PIK3R4: variants seen among roughly 807,000 people sequenced by gnomAD.
PIK3R4 encodes phosphoinositide 3-kinase regulatory subunit 4.
Under a neutral mutation model 136.5 loss-of-function variants are expected in PIK3R4, and 46 were observed. That is an observed-to-expected ratio of 0.34 (90% CI 0.27 to 0.43). PIK3R4 has a LOEUF of 0.43. Among genes scored for constraint, PIK3R4 ranks in the 20% least tolerant of loss-of-function variants. The pLI is 1.00. For missense variants in PIK3R4, 1,331 were observed against 1,649.5 expected, an observed-to-expected ratio of 0.81 and a Z score of 3.35; for synonymous variants, 557 against 566.7, an observed-to-expected ratio of 0.98 and a Z score of 0.24.
chr3:130,725,614 C>A (rs1021221100), intron 6 of PIK3R4, among the ~76,000 whole-genome samples: 1 of 150,674 alleles, frequency 6.6e-6, no homozygotes, highest in African/African-American at 2.4e-5. Context: ...GCAAAAAGAT[C>A]GAGTAAACTG....
chr3:130,690,894 C>CTTTTTTT (rs1247659280), intron 13 of PIK3R4, among the ~76,000 whole-genome samples: 1 of 131,884 alleles, frequency 7.6e-6, no homozygotes, highest in Non-Finnish European at 1.6e-5. Flanking sequence ...TCCTTCTCCT[C>CTTTTTTT]TTTTTTTTTT....
At chr3:130,707,906 C>T (rs1303712342) in intron 10 of PIK3R4, among the ~76,000 whole-genome samples, 1 of 152,164 alleles carries the variant, frequency 6.6e-6, no homozygotes, top group East Asian at 1.9e-4. Flanking sequence ...GCATTACCTA[C>T]TACTAATGAA....
At chr3:130,686,670 T>C (rs1322729700) in intron 14 of PIK3R4, among the ~76,000 whole-genome samples, 1 of 152,178 alleles carries the variant, frequency 6.6e-6, no homozygotes, top group Admixed American at 6.5e-5. Flanking sequence ...ATAGAACATT[T>C]ATCAAAACTA....
chr3:130,716,395 C>G lies in PIK3R4; in HGVS notation c.2331+1G>C. 1 of 1,612,812 alleles carries G rather than the reference C, an allele frequency of 6.2e-7. No homozygotes were observed. ...GTAAGACTTTGGAAGGGTGATACAA[C>G]CTGTGAGAGCAACTTCTTCAGAAGC... On this transcript the variant is annotated splice_donor_variant, in intron 9 of 19. Coordinates refer to ENST00000356763, the MANE Select transcript of PIK3R4 (RefSeq NM_014602.3). LOFTEE classifies it high-confidence loss of function.
chr3:130,744,371 G>C, intron 2 of PIK3R4, 115 bp downstream of exon 2: 1 of 1,178,564 alleles, frequency 8.5e-7, no homozygotes, highest in Non-Finnish European at 1.2e-6. Flanking sequence ...TAGCGTCTGA[G>C]GACAAACCAA....
Position 130,728,492 on chromosome 3 carries a change from A to T in PIK3R4, c.1778T>A (p.Leu593Gln), listed in dbSNP as rs1234240963. 3.7e-6 allele frequency: 6 copies of T among 1,612,382 alleles called. No homozygotes were observed. The highest frequency in any genetic ancestry group is 5.1e-6 in the Non-Finnish European group (6 of 1,179,230). Residue 593 changes from leucine (L) to glutamine (Q), a missense_variant, in exon 6 of 20, where the codon CTA (leucine) becomes CAA (glutamine). Leu to Gln is a moderately radical substitution (Grantham distance 113, BLOSUM62 -2). Around this residue, in one of 2 missense-constraint regions of PIK3R4, gnomAD observed 1,180 missense variants for 1,407.0 expected, o/e 0.84. Transcript: ENST00000356763. ...TFLNDKNDWH[L>Q]RGAFFDSIVG... ...TATACTATCAAAAAATGCTCCACGT[A>T]GATGCCAATCATTCTTATCATTTAG...
At chr3:130,727,756 AGTT>A (rs1397072724) in intron 6 of PIK3R4, among the ~76,000 whole-genome samples, 13 of 152,230 alleles carry the variant, frequency 8.5e-5, no homozygotes, top group African/African-American at 2.7e-4. Context: ...AAAGGGGATC[AGTT>A]ATTATTCAAA....
intron 13 of PIK3R4, among the ~76,000 whole-genome samples, chr3:130,703,132 A>T (rs2066588011): frequency 6.6e-6 from 1 of 151,972 alleles, no homozygotes; most frequent in Non-Finnish European, 1.5e-5. Context: ...TCTCTCCTCT[A>T]CTCGGAACTC....
chr3:130,683,006 G>GA (rs1328217864), intron 16 of PIK3R4, among the ~76,000 whole-genome samples: 40 of 152,284 alleles, frequency 2.6e-4, no homozygotes, highest in African/African-American at 9.1e-4. Context: ...GGACTAGGGA[G>GA]ATAGTGATGG....
intron 1 of PIK3R4, among the ~76,000 whole-genome samples, chr3:130,745,933 T>C (rs1370979605): frequency 6.6e-6 from 1 of 151,820 alleles, no homozygotes; most frequent in African/African-American, 2.4e-5. Context: ...TGACGCAGAA[T>C]TGCTTGAACC....
chr3:130,721,179 C>CAA (rs530043872), intron 7 of PIK3R4, among the ~76,000 whole-genome samples: 2 of 150,776 alleles, frequency 1.3e-5, no homozygotes, highest in Non-Finnish European at 3.0e-5. Context: ...ACTAAAAATA[C>CAA]AAAAAAAATT....
rs2066713941 is a variant in PIK3R4 at position 130,723,413 on chromosome 3, C to T, written c.1981+1G>A. 6.3e-7 allele frequency: 1 copy of T among 1,598,722 alleles called. No individual in the cohort carries two copies. Among genetic ancestry groups the T allele is most frequent in the Non-Finnish European group, 8.5e-7 (1 of 1,174,740 alleles). Reference sequence around the variant, plus strand: ...TCTAATTTTGAGAAACAGAAACTTACCAATATCACTGGCAAATTCGTAAAC... The same window carrying T: ...TCTAATTTTGAGAAACAGAAACTTATCAATATCACTGGCAAATTCGTAAAC... On this transcript the variant is annotated splice_donor_variant, in intron 7 of 19. Transcript: ENST00000356763. LOFTEE classifies it high-confidence loss of function.
intron 8 of PIK3R4, among the ~76,000 whole-genome samples, chr3:130,718,038 G>A (rs1422990752): frequency 6.6e-6 from 1 of 152,146 alleles, no homozygotes; most frequent in Admixed American, 6.5e-5. Context: ...ATAACTGGAT[G>A]CAATCAGTTA....
chr3:130,679,221 A>AAATT lies in PIK3R4; in HGVS notation c.*90_*93dup, dbSNP rs1183816404. On this transcript the variant is annotated 3_prime_UTR_variant, in exon 20 of 20. Transcript: ENST00000356763. The stretch of plus-strand genomic sequence containing the variant: ...CAGTAATATGGAGACATAATTTTGA[A>AAATT]AATTAAGCAAATGAATCTGTTCTCT... The AAATT allele has an allele frequency of 1.3e-6, 1 of 754,600 alleles. No individual in the cohort carries two copies. Among genetic ancestry groups the AAATT allele is most frequent in the Admixed American group, 3.6e-5 (1 of 27,538 alleles). The allele number at this position is 754,600 out of a possible 1,614,324, so 46.7% of individuals were successfully genotyped here.
chr3:130,724,116 T>C (rs571032110), intron 6 of PIK3R4, among the ~76,000 whole-genome samples: 313 of 152,268 alleles, frequency 2.1e-3, no homozygotes, highest in Non-Finnish European at 3.9e-3. Flanking sequence ...AATTAAAAGC[T>C]AATAAATTTC....
intron 5 of PIK3R4, among the ~76,000 whole-genome samples, chr3:130,729,355 T>C (rs537354346): frequency 6.6e-6 from 1 of 152,316 alleles, no homozygotes; most frequent in South Asian, 2.1e-4. Flanking sequence ...AGCTAATCTT[T>C]AACAATTATC....
chr3:130,689,114 A>C (rs1216095636), intron 14 of PIK3R4, among the ~76,000 whole-genome samples: 4 of 152,222 alleles, frequency 2.6e-5, no homozygotes, highest in Non-Finnish European at 5.9e-5. Context: ...ACAATCAAAA[A>C]CTTATGACCT....
chr3:130,730,172 C>T (rs1443669261), intron 5 of PIK3R4, 136 bp downstream of exon 5: 7 of 641,776 alleles, frequency 1.1e-5, no homozygotes, highest in Non-Finnish European at 1.8e-5. Flanking sequence ...TAATTAGACA[C>T]CAGGGACTCT....
intron 1 of PIK3R4, 21 bp from the exon 2 acceptor site, chr3:130,745,285 T>C: frequency 3.5e-6 from 5 of 1,448,652 alleles, no homozygotes; most frequent in Non-Finnish European, 4.6e-6. Flanking sequence ...TAAAAACAAA[T>C]GAAGAAAAAA....
Sources: gnomAD v4.1 joint callset for allele counts (sites outside exome capture counted in the v4.1 genomes callset) on GRCh38, gnomAD v4.1.1 for gene constraint, gnomAD v4.1.1 regional missense constraint, MANE v1.5 for transcripts, NCBI Gene and HGNC (gene_info 2026-07-23, HGNC 2026-07-21) for gene names.